SLC1A6: variants seen among roughly 807,000 people sequenced by gnomAD.
The protein encoded by SLC1A6 is solute carrier family 1 member 6, also known as excitatory amino acid transporter 4.
Under a neutral mutation model 42.1 loss-of-function variants are expected in SLC1A6, and 15 were observed. The ratio of observed to expected loss-of-function variants is 0.36; its 90% CI spans 0.24 to 0.55. The LOEUF (loss-of-function observed/expected upper bound fraction) is 0.55. Ranked by LOEUF, SLC1A6 falls within the 20% of genes least tolerant of loss-of-function variation. The pLI, the probability that SLC1A6 is intolerant of heterozygous loss-of-function variation, is 0.88. For missense variants in SLC1A6, 542 were observed against 772.5 expected, an observed-to-expected ratio of 0.70 and a Z score of 3.54; for synonymous variants, 317 against 319.7, an observed-to-expected ratio of 0.99 and a Z score of 0.09.
At chr19:15,010,084 A>G (rs2045917722) in intron 1 of SLC1A6, among the ~76,000 whole-genome samples, 1 of 151,256 alleles carries the variant, frequency 6.6e-6, no homozygotes, top group Non-Finnish European at 1.5e-5. Flanking sequence ...TACTCAGGAG[A>G]CTGAGGCAGG....
intron 1 of SLC1A6, among the ~76,000 whole-genome samples, chr19:15,001,678 T>G (rs561316300): frequency 6.6e-6 from 1 of 152,202 alleles, no homozygotes; most frequent in South Asian, 2.1e-4. Flanking sequence ...CTTATTTTCT[T>G]GAGACAGGGT....
chr19:14,964,230 CCCGCCT>C (rs1288598038), intron 5 of SLC1A6, 83 bp downstream of exon 5: 13 of 1,096,654 alleles, frequency 1.2e-5, no homozygotes, highest in Non-Finnish European at 8.4e-6. Context: ...GGCCCTTCCT[CCCGCCT>C]CTTGCCCTTG....
chr19:14,972,084 G>A (rs775654519), intron 2 of SLC1A6, among the ~76,000 whole-genome samples: 1 of 144,918 alleles, frequency 6.9e-6, no homozygotes, highest in Admixed American at 6.6e-5. Flanking sequence ...GTAAATGTGT[G>A]TCCGTGTCTG....
chr19:14,966,731 G>A (rs901122545), intron 4 of SLC1A6, among the ~76,000 whole-genome samples: 10 of 152,212 alleles, frequency 6.6e-5, no homozygotes, highest in Middle Eastern at 3.4e-3. Flanking sequence ...TTGCAGGGAC[G>A]TGGATGAAGC....
chr19:15,003,313 A>G (rs2045880948), intron 1 of SLC1A6, among the ~76,000 whole-genome samples: 1 of 152,194 alleles, frequency 6.6e-6, no homozygotes, highest in Non-Finnish European at 1.5e-5. Context: ...CCAGGGGTAC[A>G]GCCATAGACA....
upstream of SLC1A6, chr19:14,980,012 C>T (rs1203722680): frequency 6.6e-6 from 1 of 152,356 alleles, no homozygotes; most frequent in East Asian, 1.9e-4. Context: ...CAGGCCCTGG[C>T]ACCGCGGGAC....
chr19:14,956,086 G>C (rs1472364533), intron 7 of SLC1A6, among the ~76,000 whole-genome samples: 1 of 152,136 alleles, frequency 6.6e-6, no homozygotes, highest in Non-Finnish European at 1.5e-5. Context: ...AAAGGAGGAA[G>C]AGGATGAAGG....
intron 2 of SLC1A6, 88 bp from the exon 3 acceptor site, chr19:14,971,962 G>A (rs2145202814): frequency 1.5e-6 from 2 of 1,329,126 alleles, no homozygotes; most frequent in East Asian, 2.3e-5. Flanking sequence ...GGTAGGGCAA[G>A]GGTGGGAGTG....
chr19:15,003,531 A>G (rs1009710158), intron 1 of SLC1A6, among the ~76,000 whole-genome samples: 1 of 152,146 alleles, frequency 6.6e-6, no homozygotes, highest in Non-Finnish European at 1.5e-5. Context: ...ATTATCTCCA[A>G]GAGAAAGAGG....
chr19:14,996,495 TTCCTCCTCC>T (rs147786175), intron 1 of SLC1A6, among the ~76,000 whole-genome samples: 1 of 131,056 alleles, frequency 7.6e-6, no homozygotes, highest in Non-Finnish European at 1.7e-5. Flanking sequence ...CCTTCTTTCT[TTCCTCCTCC>T]TCCTCCTCCC....
At chr19:14,951,243 CT>C (rs1320231597) in intron 9 of SLC1A6, among the ~76,000 whole-genome samples, 2 of 95,510 alleles carry the variant, frequency 2.1e-5, no homozygotes. Flanking sequence ...CAGAGCAAGA[CT>C]CTGTCTCACA....
intron 1 of SLC1A6, among the ~76,000 whole-genome samples, chr19:15,005,361 T>C (rs1245053967): frequency 6.6e-6 from 1 of 151,608 alleles, no homozygotes; most frequent in Non-Finnish European, 1.5e-5. Flanking sequence ...TACAAAAAAT[T>C]AGCTGGGCGT....
chr19:14,955,852 T>G (rs4511655), intron 7 of SLC1A6, among the ~76,000 whole-genome samples: 82,571 of 151,272 alleles, frequency 0.55, 22,725 homozygotes, highest in South Asian at 0.67. Flanking sequence ...GGAGAATCAC[T>G]TGAACCTAAG....
At chr19:15,005,380 G>C (rs146972548) in intron 1 of SLC1A6, among the ~76,000 whole-genome samples, 2,801 of 152,074 alleles carry the variant, frequency 0.018, 84 homozygotes, top group African/African-American at 0.064. Context: ...GTGGTGGTGG[G>C]CATCTGTAAT....
intron 1 of SLC1A6, among the ~76,000 whole-genome samples, chr19:14,990,786 CAA>C (rs60926365): frequency 1.6e-5 from 2 of 124,744 alleles, no homozygotes; most frequent in Non-Finnish European, 1.7e-5. Context: ...CAAAACAAAA[CAA>C]AAAAAAAAAA....
chr19:14,971,933 G>T (rs2045645151), intron 2 of SLC1A6, 59 bp from the exon 3 acceptor site: 2 of 1,584,532 alleles, frequency 1.3e-6, no homozygotes, highest in Admixed American at 3.4e-5. Flanking sequence ...CCCAGGCAGG[G>T]TCCATCCATC....
Position 14,950,527 on chromosome 19 carries a change from CA to C in SLC1A6, c.1500-138del. On this transcript the variant is annotated intron_variant, in intron 9 of 9. Coordinates refer to ENST00000594383, the MANE Select transcript of SLC1A6 (RefSeq NM_005071.3). ...AGTACAATCCATGACCACATGTCCC[CA>C]AGCAGGTTCTTCCCCCTCTCTGCCC... The C allele has an allele frequency of 5.8e-6, 3 of 518,272 alleles. No homozygotes were observed. In the South Asian group the frequency reaches 1.3e-4, roughly 23 times the overall value. The allele number at this position is 518,272 out of a possible 1,614,324, so 32.1% of individuals were successfully genotyped here.
chr19:14,964,375 TGAG>T lies in SLC1A6; in HGVS notation c.549-17_549-15del. On this transcript the variant is annotated splice_polypyrimidine_tract_variant and intron_variant, in intron 4 of 9. Transcript: ENST00000594383. Reference sequence around the variant, plus strand: ...GGAAACATATTTCTGCAGAAAAACATGAGAAGAAGGAAAGTGGTTAGACCATGG... The same window carrying T: ...GGAAACATATTTCTGCAGAAAAACATAAGAAGGAAAGTGGTTAGACCATGG... The T allele has an allele frequency of 6.2e-7, 1 of 1,612,754 alleles. No individual in the cohort carries two copies. Among genetic ancestry groups the T allele is most frequent in the East Asian group, 2.2e-5 (1 of 44,850 alleles).
upstream of SLC1A6, among the ~76,000 whole-genome samples, chr19:14,984,462 A>T (rs2045783518): frequency 6.6e-6 from 1 of 152,234 alleles, no homozygotes; most frequent in Admixed American, 6.5e-5. Context: ...CATGAAAAAA[A>T]TTCAGTCTTA....
Sources: gnomAD v4.1 joint callset for allele counts (sites outside exome capture counted in the v4.1 genomes callset) on GRCh38, gnomAD v4.1.1 for gene constraint, MANE v1.5 for transcripts, NCBI Gene and HGNC (gene_info 2026-07-23, HGNC 2026-07-21) for gene names.